Variants in ADAMTSL3 observed in about 807,000 individuals in gnomAD.
ADAMTSL3 encodes ADAMTS like 3, also known as ADAMTS-like protein 3.
A neutral mutation model predicts 201.7 loss-of-function variants in ADAMTSL3; 128 were observed. That is an observed-to-expected ratio of 0.63 (90% CI 0.55 to 0.73). ADAMTSL3 has a LOEUF of 0.73. ADAMTSL3 is among the 30% of genes least tolerant of loss of function. The probability of loss-of-function intolerance (pLI) is 0.00; values close to 1 mark genes in which losing one functional copy is unlikely to be tolerated. For missense variants in ADAMTSL3, 1,990 were observed against 2,119.6 expected (o/e 0.94, Z 1.20); for synonymous variants, 738 against 748.4 (o/e 0.99, Z 0.23).
At chr15:84,011,313 A>T (rs984763898) in intron 23 of ADAMTSL3, among the ~76,000 whole-genome samples, 3 of 152,364 alleles carry the variant, frequency 2.0e-5, no homozygotes, top group Non-Finnish European at 4.4e-5. Flanking sequence ...AAAAAGCATC[A>T]TGCTTAAGAA....
At chr15:83,802,336 G>T (rs1476352601) in intron 4 of ADAMTSL3, among the ~76,000 whole-genome samples, 1 of 151,940 alleles carries the variant, frequency 6.6e-6, no homozygotes, top group African/African-American at 2.4e-5. Context: ...AAAAATAATG[G>T]ACTCAGAAAT....
intron 17 of ADAMTSL3, among the ~76,000 whole-genome samples, chr15:83,934,469 C>G (rs1170274108): frequency 6.6e-6 from 1 of 152,172 alleles, no homozygotes; most frequent in Non-Finnish European, 1.5e-5. Context: ...GCAGAGGGGA[C>G]TTGCCTTGTC....
At chr15:83,934,175 AG>A (rs761885539) in intron 17 of ADAMTSL3, among the ~76,000 whole-genome samples, 221 of 152,186 alleles carry the variant, frequency 1.5e-3, no homozygotes, top group Non-Finnish European at 2.3e-3. Context: ...AGCAGCTGGG[AG>A]GGGGGGCTGT....
At chr15:83,909,611 G>GT (rs1433405402) in intron 15 of ADAMTSL3, among the ~76,000 whole-genome samples, 6 of 151,238 alleles carry the variant, frequency 4.0e-5, no homozygotes, top group South Asian at 2.1e-4. Context: ...ATCAATGAGT[G>GT]GTTTTTTTTC....
At chr15:84,031,277 TAC>T in intron 27 of ADAMTSL3, 56 bp from the exon 28 acceptor site, 1 of 1,539,694 alleles carries the variant, frequency 6.5e-7, no homozygotes, top group Non-Finnish European at 9.0e-7. Flanking sequence ...ATGATCTTAG[TAC>T]ACACAGCATG....
intron 2 of ADAMTSL3, among the ~76,000 whole-genome samples, chr15:83,660,454 T>C (rs2061147400): frequency 6.6e-6 from 1 of 152,204 alleles, no homozygotes; most frequent in African/African-American, 2.4e-5. Flanking sequence ...TAATTCCTTT[T>C]AGGTCAGCCT....
At chr15:83,754,979 A>G (rs1404433199) in intron 3 of ADAMTSL3, among the ~76,000 whole-genome samples, 3 of 152,180 alleles carry the variant, frequency 2.0e-5, no homozygotes, top group African/African-American at 7.2e-5. Flanking sequence ...TGGTTATGTT[A>G]TTATATATGC....
intron 7 of ADAMTSL3, among the ~76,000 whole-genome samples, chr15:83,849,669 G>C (rs921704529): frequency 2.6e-5 from 4 of 152,140 alleles, no homozygotes; most frequent in African/African-American, 9.7e-5. Flanking sequence ...GGCCAAGGGG[G>C]TCCTTTACCA....
intron 3 of ADAMTSL3, among the ~76,000 whole-genome samples, chr15:83,758,782 G>T (rs752810559): frequency 5.3e-5 from 8 of 151,986 alleles, no homozygotes; most frequent in African/African-American, 2.4e-5. Flanking sequence ...TGAATTGTAA[G>T]AATTCATTAT....
chr15:83,982,438 G>A lies in ADAMTSL3; in HGVS notation c.2810G>A (p.Arg937Gln), dbSNP rs771494641. 1.7e-5 allele frequency: 27 copies of A among 1,614,018 alleles called. No individual in the cohort carries two copies. Among genetic ancestry groups the A allele is most frequent in the African/African-American group, 5.3e-5 (4 of 74,896 alleles). Residue 937 changes from arginine to glutamine, a missense_variant, in exon 21 of 30, where the codon CGA becomes CAA. Arg to Gln is a conservative substitution (Grantham distance 43). Transcript: ENST00000286744. ...NTSVIIKCPV[R>Q]RFQKSLIQWE... ...TCCGTGATTATTAAGTGCCCCGTGC[G>A]ACGATTCCAGAAATCTCTGATCCAG... is the stretch of plus-strand genomic sequence containing the variant.
chr15:83,692,987 T>C (rs2061633348), intron 2 of ADAMTSL3, among the ~76,000 whole-genome samples: 1 of 152,176 alleles, frequency 6.6e-6, no homozygotes, highest in Non-Finnish European at 1.5e-5. Flanking sequence ...CATGAATGTG[T>C]CCCCGACGTG....
rs1283187655 is a variant in ADAMTSL3, at chr15:83,982,670, A to T, written c.3042A>T (p.Glu1014Asp). The T allele has an allele frequency of 2.5e-6, 4 of 1,614,066 alleles. No individual in the cohort carries two copies. Among genetic ancestry groups the T allele is most frequent in the Non-Finnish European group, 2.5e-6 (3 of 1,180,042 alleles). Residue 1014 changes from glutamate (E) to aspartate (D), a missense_variant, in exon 21 of 30, where the codon GAA becomes GAT. Transcript: ENST00000286744. Reference protein sequence around the residue: ...ARPALREPMREYPGMDHSEAN... With the variant: ...ARPALREPMRDYPGMDHSEAN... ...CAGCCCTCAGGGAGCCTATGAGGGAATATCCTGGGATGGACCACAGCGAAG... is the reference window on the plus strand; with the variant it reads ...CAGCCCTCAGGGAGCCTATGAGGGATTATCCTGGGATGGACCACAGCGAAG...
At chr15:83,670,369 C>A (rs2061315809) in intron 2 of ADAMTSL3, among the ~76,000 whole-genome samples, 1 of 151,812 alleles carries the variant, frequency 6.6e-6, no homozygotes, top group Non-Finnish European at 1.5e-5. Flanking sequence ...TAACTCTAAC[C>A]CTAGACCAAA....
intron 6 of ADAMTSL3, among the ~76,000 whole-genome samples, chr15:83,821,916 G>A (rs1297415024): frequency 2.1e-4 from 32 of 149,832 alleles, no homozygotes; most frequent in Middle Eastern, 3.5e-3. Context: ...TGGCCGGGCA[G>A]AGGGGCTCCT....
intron 19 of ADAMTSL3, among the ~76,000 whole-genome samples, chr15:83,968,556 T>G (rs2067131931): frequency 1.3e-5 from 2 of 152,256 alleles, no homozygotes; most frequent in South Asian, 4.1e-4. Flanking sequence ...GCTTTTACAC[T>G]GTTGGTGGGA....
intron 27 of ADAMTSL3, among the ~76,000 whole-genome samples, chr15:84,029,762 C>T (rs1234047931): frequency 6.6e-6 from 1 of 152,184 alleles, no homozygotes. Flanking sequence ...TCACAGCAGC[C>T]CCTCCCATCA....
At chr15:83,948,274 T>G (rs998983882) in intron 19 of ADAMTSL3, among the ~76,000 whole-genome samples, 2 of 152,136 alleles carry the variant, frequency 1.3e-5, no homozygotes, top group Admixed American at 6.6e-5. Flanking sequence ...TTGTGCTCAG[T>G]CACATAGGGT....
chr15:83,948,411 TACACACACACACACAC>T (rs72124987), intron 19 of ADAMTSL3, among the ~76,000 whole-genome samples: 2 of 145,740 alleles, frequency 1.4e-5, no homozygotes, highest in South Asian at 4.5e-4. Context: ...AAAGCTTATT[TACACACACACACACAC>T]ACACACACAC....
chr15:84,037,840 T>G lies in ADAMTSL3; in HGVS notation c.*34T>G, dbSNP rs1387014999. On this transcript the variant is annotated 3_prime_UTR_variant, in exon 30 of 30. Coordinates refer to ENST00000286744, the MANE Select transcript of ADAMTSL3 (RefSeq NM_207517.3). ...AGGGGTCATGATGCTGCTGTGAAGA[T>G]AAAAGTAGAATATAAAAGCTCTTTT... 1.3e-6 allele frequency: 2 copies of G among 1,581,140 alleles called. No individual in the cohort carries two copies. The highest frequency in any genetic ancestry group is 1.7e-6 in the Non-Finnish European group (2 of 1,171,268).
Sources: gnomAD v4.1 joint callset for allele counts (sites outside exome capture counted in the v4.1 genomes callset) on GRCh38, gnomAD v4.1.1 for gene constraint, MANE v1.5 for transcripts, NCBI Gene and HGNC (gene_info 2026-07-23, HGNC 2026-07-21) for gene names.